ATP7A: variants seen among roughly 807,000 people sequenced by gnomAD.
ATP7A encodes the protein copper-transporting ATPase 1.
Under a neutral mutation model 83.5 loss-of-function variants are expected in ATP7A, and 7 were observed. The ratio of observed to expected loss-of-function variants is 0.08; its 90% CI spans 0.05 to 0.16. The LOEUF is 0.16. Among genes scored for constraint, ATP7A ranks in the 10% least tolerant of loss-of-function variants. The probability of loss-of-function intolerance (pLI) is 1.00; values close to 1 mark genes in which losing one functional copy is unlikely to be tolerated. For synonymous variants in ATP7A, 354 were observed against 395.2 expected, an observed-to-expected ratio of 0.90 and a Z score of 1.24; for missense variants, 940 against 1,120.8, an observed-to-expected ratio of 0.84 and a Z score of 2.30.
At position 78,002,262 on chromosome X, in the gene ATP7A, T is replaced by C. The variant is rs782433575; in HGVS notation, c.1544-811T>C. On this transcript the variant is annotated intron_variant, in intron 5 of 22. Transcript: ENST00000341514. ...TTTTTGTATTTTTTTTTTTTTTTTT[T>C]GTAGAGACAGGGTTTTGCCATATTG... Among the ~76,000 whole-genome samples the C allele has an allele frequency of 1.1e-3, 118 of 106,239 alleles. 1 individual carries two copies. The highest frequency in any genetic ancestry group is 3.8e-3 in the African/African-American group (112 of 29,342). 92.3% of individuals were successfully genotyped at this position (106,239 alleles called of 115,157 possible).
At chrX:78,045,720 C>T (rs77102095) in intron 22 of ATP7A, 148 bp downstream of exon 22, 1 of 575,277 alleles carries the variant, frequency 1.7e-6, no homozygotes, top group Non-Finnish European at 2.8e-6. Context: ...TGGTGGCTCA[C>T]ACCTGTAATC....
chrX:78,017,430 G>A lies in ATP7A; in HGVS notation c.2626+1549G>A, dbSNP rs182702467. On this transcript the variant is annotated intron_variant, in intron 12 of 22. Transcript: ENST00000341514. ...GAGATGTTTTCCCCATTGTCTTGGC[G>A]ATTAACATTTGGCTCCTCGTTACTT... Among the ~76,000 whole-genome samples the A allele has an allele frequency of 2.4e-3, 266 of 112,387 alleles. 1 individual carries two copies. The highest frequency in any genetic ancestry group is 8.2e-3 in the African/African-American group (254 of 30,973).
At chrX:78,001,538 C>G (rs781933366) in intron 5 of ATP7A, among the ~76,000 whole-genome samples, 1 of 111,823 alleles carries the variant, frequency 8.9e-6, no homozygotes, top group Admixed American at 9.6e-5. Context: ...CCATCAAATA[C>G]TAGGTCCTAT....
At position 78,046,633 on chromosome X, in the gene ATP7A, C is replaced by T; in HGVS notation, c.*63C>T. On this transcript the variant is annotated 3_prime_UTR_variant, in exon 23 of 23. Transcript: ENST00000341514. ...CACTGACACAGCATTCATGATGTTA[C>T]CTTCACTTTTCAAAATATTGTAGAA... 1.7e-6 allele frequency: 2 copies of T among 1,162,799 alleles called. No individual in the cohort carries two copies. Among genetic ancestry groups the T allele is most frequent in the South Asian group, 3.6e-5 (2 of 55,573 alleles).
intron 1 of ATP7A, among the ~76,000 whole-genome samples, chrX:77,921,142 T>G (rs1048801023): frequency 1.8e-5 from 2 of 111,992 alleles, no homozygotes; most frequent in Non-Finnish European, 3.8e-5. Flanking sequence ...CCTATCAAAT[T>G]TGTCCTTCGT....
rs188428513 is a variant in ATP7A, at chrX:77,996,211, C to T, written c.1337-2267C>T. On this transcript the variant is annotated intron_variant, in intron 4 of 22. Transcript: ENST00000341514. Reference sequence around the variant, plus strand: ...ATTTATATATATATATACACACACACATACATACATTTTTTTCTGAACTAT... The same window carrying T: ...ATTTATATATATATATACACACACATATACATACATTTTTTTCTGAACTAT... Among the ~76,000 whole-genome samples, 94 of 111,767 alleles carry T rather than the reference C, an allele frequency of 8.4e-4. 3 individuals are homozygous for T. In the East Asian group the frequency reaches 0.022, roughly 26 times the overall value.
intron 1 of ATP7A, among the ~76,000 whole-genome samples, chrX:77,920,856 G>C (rs2077210065): frequency 9.0e-6 from 1 of 111,355 alleles, no homozygotes; most frequent in Admixed American, 9.6e-5. Flanking sequence ...GTCGAATTGA[G>C]TTCTAAGTTC....
At chrX:77,945,368 C>T (rs1397764561) in intron 1 of ATP7A, among the ~76,000 whole-genome samples, 1 of 109,658 alleles carries the variant, frequency 9.1e-6, no homozygotes, top group African/African-American at 3.3e-5. Flanking sequence ...TTTGTAGAGG[C>T]GGTGTTTCGC....
chrX:78,028,028 T>C (rs2077958200), intron 14 of ATP7A, among the ~76,000 whole-genome samples: 1 of 108,194 alleles, frequency 9.2e-6, no homozygotes, highest in East Asian at 2.9e-4. Flanking sequence ...TATTTATTTA[T>C]TTATTTATTT....
In ATP7A at chrX:77,986,431, A is replaced by T. The variant is rs934056408; in HGVS notation, c.121-1811A>T. 2.7e-5 allele frequency among the ~76,000 whole-genome samples: 3 copies of T among 112,555 alleles called. No individual in the cohort carries two copies. The Admixed American group carries it at 2.8e-4, about 11-fold the overall frequency. On this transcript the variant is annotated intron_variant, in intron 2 of 22. Coordinates refer to ENST00000341514, the MANE Select transcript of ATP7A (RefSeq NM_000052.7). ...CAAAGCTTTTCACTAGAAATTAATA[A>T]CACCTATATTTAACTGCTTTTTTGA...
At chrX:77,946,729 TAA>T (rs782042145) in intron 1 of ATP7A, among the ~76,000 whole-genome samples, 86 of 55,079 alleles carry the variant, frequency 1.6e-3, no homozygotes, top group African/African-American at 3.6e-3. Context: ...TGGCTATTAC[TAA>T]AAAAAAAAAA....
At chrX:78,013,280 A>G (rs2077840009) in intron 10 of ATP7A, among the ~76,000 whole-genome samples, 168 bp downstream of exon 10, 1 of 112,122 alleles carries the variant, frequency 8.9e-6, no homozygotes, top group Non-Finnish European at 1.9e-5. Flanking sequence ...TAGAAGATTT[A>G]CCAAATATGG....
intron 1 of ATP7A, among the ~76,000 whole-genome samples, chrX:77,927,785 C>A (rs1232977048): frequency 1.8e-5 from 2 of 110,714 alleles, no homozygotes; most frequent in Non-Finnish European, 3.8e-5. Context: ...TCCCTCCCCC[C>A]ATCCCACAAC....
At chrX:77,950,955 G>A (rs1383466218) in intron 1 of ATP7A, among the ~76,000 whole-genome samples, 5 of 110,760 alleles carry the variant, frequency 4.5e-5, no homozygotes, top group African/African-American at 1.6e-4. Flanking sequence ...CCGAGAGGTG[G>A]AGGTTGCAGT....
At chrX:78,001,289 T>G (rs782281558) in intron 5 of ATP7A, among the ~76,000 whole-genome samples, 1 of 111,606 alleles carries the variant, frequency 9.0e-6, no homozygotes, top group South Asian at 3.7e-4. Context: ...TTTTTTTCAC[T>G]GTGTATACGT....
intron 2 of ATP7A, among the ~76,000 whole-genome samples, chrX:77,982,274 G>T (rs1471111539): frequency 9.0e-6 from 1 of 111,700 alleles, no homozygotes; most frequent in African/African-American, 3.3e-5. Context: ...CCTTTATGTT[G>T]AGTTGTTATA....
At chrX:77,916,914 GGT>G (rs1226129637) in intron 1 of ATP7A, among the ~76,000 whole-genome samples, 2 of 110,972 alleles carry the variant, frequency 1.8e-5, no homozygotes, top group African/African-American at 6.5e-5. Context: ...CTGATTCCAG[GGT>G]ATTCGGAATT....
In ATP7A at chrX:78,047,577, T is replaced by C. The variant is rs1450457568; in HGVS notation, c.*1007T>C. On this transcript the variant is annotated 3_prime_UTR_variant, in exon 23 of 23. Transcript: ENST00000341514. Reference sequence around the variant, plus strand: ...TGTTTGTTGTTGTTGTTGTTGTTGTTGTTGTTGTTGAGACAGAGTCTTGTT... The same window carrying C: ...TGTTTGTTGTTGTTGTTGTTGTTGTCGTTGTTGTTGAGACAGAGTCTTGTT... The C allele has an allele frequency of 8.9e-6, 1 of 111,951 alleles. No homozygotes were observed. Among genetic ancestry groups the C allele is most frequent in the Non-Finnish European group, 1.9e-5 (1 of 53,302 alleles). 9.2% of individuals were successfully genotyped at this position (111,951 alleles called of 1,213,427 possible). A position where few individuals can be genotyped will look rare whatever the true frequency, so the allele number is the denominator to read the frequency against.
At chrX:77,955,029 C>T (rs1222811589) in intron 1 of ATP7A, among the ~76,000 whole-genome samples, 1 of 110,564 alleles carries the variant, frequency 9.0e-6, no homozygotes, top group Non-Finnish European at 1.9e-5. Context: ...TATGACATAC[C>T]TGTGTATTTA....
Sources: allele counts gnomAD v4.1 joint callset (sites outside exome capture counted in the v4.1 genomes callset), GRCh38; gene constraint gnomAD v4.1.1; transcripts MANE v1.5; gene names NCBI Gene and HGNC (gene_info 2026-07-23, HGNC 2026-07-21).